Variants in HP1BP3 observed in about 807,000 individuals in gnomAD.
HP1BP3 encodes heterochromatin protein 1 binding protein 3.
A neutral mutation model predicts 62.5 loss-of-function variants in HP1BP3; 12 were observed. The ratio of observed to expected loss-of-function variants is 0.19; its 90% CI spans 0.12 to 0.31. The LOEUF is 0.31. Among genes scored for constraint, HP1BP3 ranks in the 10% least tolerant of loss-of-function variants. The pLI is 1.00. For missense variants in HP1BP3, 502 were observed against 651.8 expected, an observed-to-expected ratio of 0.77 and a Z score of 2.50; for synonymous variants, 260 against 237.8, an observed-to-expected ratio of 1.09 and a Z score of -0.86.
At chr1:20,766,673 T>C (rs2056800738) in intron 7 of HP1BP3, among the ~76,000 whole-genome samples, 2 of 152,138 alleles carry the variant, frequency 1.3e-5, no homozygotes, top group Non-Finnish European at 2.9e-5. Context: ...CATGGTGTGG[T>C]TCACATCTAT....
intron 8 of HP1BP3, among the ~76,000 whole-genome samples, chr1:20,761,430 G>C (rs1301993652): frequency 6.6e-6 from 1 of 152,184 alleles, no homozygotes; most frequent in Non-Finnish European, 1.5e-5. Flanking sequence ...CCAGCACAAA[G>C]TCAGGGTTTT....
chr1:20,784,736 A>G (rs1391744798), intron 1 of HP1BP3, among the ~76,000 whole-genome samples: 1 of 152,106 alleles, frequency 6.6e-6, no homozygotes, highest in African/African-American at 2.4e-5. Context: ...TCAGCCTCCC[A>G]AAGGGCTGGG....
intron 1 of HP1BP3, among the ~76,000 whole-genome samples, chr1:20,783,111 CAATAATAAT>C (rs139292183): frequency 2.7e-5 from 4 of 149,946 alleles, no homozygotes; most frequent in African/African-American, 7.4e-5. Context: ...GACCTTGGCT[CAATAATAAT>C]AATAATAATA....
At chr1:20,768,882 C>T (rs1439576731) in intron 6 of HP1BP3, among the ~76,000 whole-genome samples, 1 of 152,170 alleles carries the variant, frequency 6.6e-6, no homozygotes, top group Admixed American at 6.5e-5. Context: ...GTTTTACCTA[C>T]ACTGCTATCA....
At chr1:20,748,603 C>G (rs2154539629) in intron 10 of HP1BP3, among the ~76,000 whole-genome samples, 1 of 151,930 alleles carries the variant, frequency 6.6e-6, no homozygotes, top group East Asian at 1.9e-4. Flanking sequence ...AATACAAAAA[C>G]AAAAAAATTA....
intron 7 of HP1BP3, among the ~76,000 whole-genome samples, chr1:20,767,092 G>A (rs1416800703): frequency 6.6e-6 from 1 of 152,134 alleles, no homozygotes; most frequent in Non-Finnish European, 1.5e-5. Context: ...GCAGAGGCGG[G>A]CAGATCACTG....
At chr1:20,762,754 T>G (rs1005182667) in intron 8 of HP1BP3, among the ~76,000 whole-genome samples, 1 of 152,148 alleles carries the variant, frequency 6.6e-6, no homozygotes, top group Non-Finnish European at 1.5e-5. Flanking sequence ...TAATGTCTCA[T>G]GTTTCCCTAA....
intron 8 of HP1BP3, among the ~76,000 whole-genome samples, chr1:20,763,270 A>G (rs1033629493): frequency 6.6e-6 from 1 of 152,234 alleles, no homozygotes; most frequent in Non-Finnish European, 1.5e-5. Context: ...ATATGTTTCC[A>G]TCTTTAAATG....
Position 20,773,574 on chromosome 1 carries a change from C to G in HP1BP3, c.387G>C (p.Val129=). 6.2e-7 allele frequency: 1 copy of G among 1,609,150 alleles called. No homozygotes were observed. The highest frequency in any genetic ancestry group is 8.5e-7 in the Non-Finnish European group (1 of 1,177,218). Residue 129 remains valine (V), a synonymous_variant, in exon 5 of 13, where the codon GTG becomes GTC. Coordinates refer to ENST00000438032, the MANE Select transcript of HP1BP3 (RefSeq NM_001372052.1). The stretch of plus-strand genomic sequence containing the variant: ...TAGCCCAGGAAGGAATTGTTTTTTT[C>G]ACTTTCTTCTCCTTTTCTTTAGACT... The part of the protein sequence containing the change: ...KDQSKEKEKK[V]KKTIPSWATL...
At chr1:20,746,186 ATGTGTGTGTGTGTGTGTG>A (rs35710978) in intron 11 of HP1BP3, among the ~76,000 whole-genome samples, 10 of 143,148 alleles carry the variant, frequency 7.0e-5, no homozygotes, top group Non-Finnish European at 1.2e-4. Flanking sequence ...ACATACATAT[ATGTGTGTGTGTGTGTGTG>A]TGTGTGTGTG....
At position 20,744,996 on chromosome 1, in the gene HP1BP3, C is replaced by G; in HGVS notation, c.1463G>C (p.Arg488Pro). Residue 488 changes from arginine (R) to proline (P), a missense_variant, in exon 13 of 13, where the codon CGG (arginine) becomes CCG (proline). By Grantham distance (103) the Arg-to-Pro change is moderately radical. This residue lies in a region of HP1BP3 where 194 missense variants were observed against 207.0 expected (regional missense o/e 0.94). Transcript: ENST00000438032. ...CTTAGGCAAGGGCCTAGCTTTCCCCCGCTGGGCAGCTGAGACTTTAGGTGC... is the reference window on the plus strand; with the variant it reads ...CTTAGGCAAGGGCCTAGCTTTCCCCGGCTGGGCAGCTGAGACTTTAGGTGC... ...KPAPKVSAAQ[R>P]GKARPLPKKA... is the part of the protein sequence containing the mutation. 1 of 1,614,180 alleles carries G rather than the reference C, an allele frequency of 6.2e-7. No homozygotes were observed.
intron 8 of HP1BP3, 24 bp downstream of exon 8, chr1:20,765,352 TA>T (rs766373346): frequency 6.6e-7 from 1 of 1,523,436 alleles, no homozygotes. Context: ...CATCATGTTT[TA>T]AAGGCCAGGC....
At chr1:20,781,894 G>A (rs2057568208) in intron 1 of HP1BP3, among the ~76,000 whole-genome samples, 1 of 152,196 alleles carries the variant, frequency 6.6e-6, no homozygotes, top group Non-Finnish European at 1.5e-5. Flanking sequence ...CCAAAGTGCT[G>A]GGATGGCAGG....
chr1:20,782,166 A>G (rs2057584412), intron 1 of HP1BP3, among the ~76,000 whole-genome samples: 1 of 152,186 alleles, frequency 6.6e-6, no homozygotes, highest in Non-Finnish European at 1.5e-5. Flanking sequence ...CATTTGGTGT[A>G]GTAGCTCATG....
intron 1 of HP1BP3, among the ~76,000 whole-genome samples, chr1:20,783,596 C>CT (rs992848424): frequency 1.3e-5 from 2 of 150,490 alleles, no homozygotes; most frequent in Admixed American, 1.3e-4. Context: ...TTAGTAAAAG[C>CT]TGTAGAACTT....
At chr1:20,783,749 AAC>A (rs2057682483) in intron 1 of HP1BP3, among the ~76,000 whole-genome samples, 1 of 136,544 alleles carries the variant, frequency 7.3e-6, no homozygotes, top group African/African-American at 2.7e-5. Flanking sequence ...CAGCCTGGGT[AAC>A]AGTGTGAGAC....
intron 3 of HP1BP3, among the ~76,000 whole-genome samples, chr1:20,778,178 C>A (rs1458215224): frequency 6.6e-6 from 1 of 151,866 alleles, no homozygotes; most frequent in Non-Finnish European, 1.5e-5. Flanking sequence ...ATTTTCTCTT[C>A]TCAAGAATAA....
rs776960139 is a variant in HP1BP3, at chr1:20,771,023, G to A, written c.561C>T (p.Ile187=). Residue 187 remains isoleucine (I), a synonymous_variant, in exon 6 of 13, where the codon ATC becomes ATT. Coordinates refer to ENST00000438032, the MANE Select transcript of HP1BP3 (RefSeq NM_001372052.1). ...GASVVAIRKY[I]IHKYPSLELE... is the part of the protein sequence containing the mutation. ...GCTCCAGAGAAGGATACTTATGGAT[G>A]ATGTATTTTCGAATAGCAACCACTG... 13 of 1,610,196 alleles carry A rather than the reference G, an allele frequency of 8.1e-6. No homozygotes were observed. Among genetic ancestry groups the A allele is most frequent in the Non-Finnish European group, 1.1e-5 (13 of 1,178,006 alleles).
intron 10 of HP1BP3, among the ~76,000 whole-genome samples, chr1:20,749,502 A>C (rs1270527387): frequency 1.3e-5 from 2 of 151,424 alleles, no homozygotes; most frequent in African/African-American, 4.9e-5. Flanking sequence ...GGGACTACAG[A>C]TGCACACCAC....
Sources: allele counts gnomAD v4.1 joint callset (sites outside exome capture counted in the v4.1 genomes callset), GRCh38; gene constraint gnomAD v4.1.1; regional missense constraint gnomAD v4.1.1; transcripts MANE v1.5; gene names NCBI Gene and HGNC (gene_info 2026-07-23, HGNC 2026-07-21).